The following AP4E1 variants were observed in gnomAD, a reference collection of about 807,000 sequenced individuals.
AP4E1 encodes the protein AP-4 complex subunit epsilon-1.
Under a neutral mutation model 128.2 loss-of-function variants are expected in AP4E1, and 56 were observed. The observed-to-expected ratio is 0.44, with a 90% CI of 0.35 to 0.55. AP4E1 has a LOEUF of 0.55. Ranked by LOEUF, AP4E1 falls within the 20% of genes least tolerant of loss-of-function variation. The pLI is 0.00. For synonymous variants in AP4E1, 484 were observed against 473.1 expected, an observed-to-expected ratio of 1.02 and a Z score of -0.30; for missense variants, 1,324 against 1,307.7, an observed-to-expected ratio of 1.01 and a Z score of -0.19.
At chr15:50,922,688 T>C (rs1345287187) in intron 3 of AP4E1, among the ~76,000 whole-genome samples, 1 of 151,474 alleles carries the variant, frequency 6.6e-6, no homozygotes, top group Non-Finnish European at 1.5e-5. Context: ...AATATGGGGG[T>C]TTAAAATATG....
chr15:50,992,143 C>T (rs1392675818), intron 16 of AP4E1, among the ~76,000 whole-genome samples: 1 of 151,920 alleles, frequency 6.6e-6, no homozygotes, highest in Non-Finnish European at 1.5e-5. Flanking sequence ...AACTTTCCAA[C>T]AAACCATGTA....
intron 14 of AP4E1, 33 bp downstream of exon 14, chr15:50,958,827 T>G (rs747308932): frequency 1.2e-6 from 2 of 1,603,008 alleles, no homozygotes; most frequent in African/African-American, 2.7e-5. Flanking sequence ...TTTTAAAAAT[T>G]GCGTTGTCAT....
intron 16 of AP4E1, among the ~76,000 whole-genome samples, chr15:50,993,144 G>A (rs556657478): frequency 6.6e-6 from 1 of 152,296 alleles, no homozygotes; most frequent in Admixed American, 6.5e-5. Context: ...AACTAAGTCT[G>A]GAGTTCTGCA....
chr15:50,941,124 A>G lies in AP4E1; in HGVS notation c.944-318A>G, dbSNP rs2063980457. Reference sequence around the variant, plus strand: ...CCTTGAGGGCAGGATGTTTTTTTCCATCTGTTTTGTTCACTGCTATATTCA... The same window carrying G: ...CCTTGAGGGCAGGATGTTTTTTTCCGTCTGTTTTGTTCACTGCTATATTCA... On this transcript the variant is annotated intron_variant, in intron 8 of 20. Transcript: ENST00000261842. 3.9e-5 allele frequency among the ~76,000 whole-genome samples: 6 copies of G among 152,188 alleles called. No individual in the cohort carries two copies. The South Asian group carries it at 1.2e-3, about 32-fold the overall frequency.
chr15:50,960,998 T>C (rs1366884819), intron 14 of AP4E1, among the ~76,000 whole-genome samples: 1 of 152,036 alleles, frequency 6.6e-6, no homozygotes, highest in African/African-American at 2.4e-5. Flanking sequence ...TATAAACAAC[T>C]GTACACTAAC....
chr15:50,959,248 A>C (rs1462632175), intron 14 of AP4E1, among the ~76,000 whole-genome samples: 3 of 152,114 alleles, frequency 2.0e-5, no homozygotes, highest in Admixed American at 2.0e-4. Context: ...AAAGATCTTC[A>C]CCAAAGCACA....
chr15:50,981,428 C>T (rs1184660135), intron 15 of AP4E1, among the ~76,000 whole-genome samples: 1 of 152,006 alleles, frequency 6.6e-6, no homozygotes, highest in East Asian at 1.9e-4. Flanking sequence ...TATGCCTGCT[C>T]CACTATTGTA....
At chr15:50,968,958 A>G (rs945154110) in intron 15 of AP4E1, among the ~76,000 whole-genome samples, 1 of 151,608 alleles carries the variant, frequency 6.6e-6, no homozygotes, top group Non-Finnish European at 1.5e-5. Flanking sequence ...TTTTGATAAT[A>G]TATTTATTAA....
chr15:50,944,660 G>A, intron 10 of AP4E1: 1 of 388,518 alleles, frequency 2.6e-6, no homozygotes, highest in East Asian at 4.7e-5. Flanking sequence ...GAGCAACCAA[G>A]ATGAGGATGA....
At chr15:51,001,592 T>C (rs1211314673) in intron 20 of AP4E1, among the ~76,000 whole-genome samples, 2 of 152,190 alleles carry the variant, frequency 1.3e-5, no homozygotes, top group Non-Finnish European at 2.9e-5. Context: ...AGGTACCTTA[T>C]ATAAGTGGAA....
In AP4E1 at chr15:50,929,020, G is replaced by A. The variant is rs375514846; in HGVS notation, c.554G>A (p.Arg185Gln). The change falls in exon 6 of 21, where the codon CGA becomes CAA. Residue 185 changes from arginine to glutamine, a missense_variant. Coordinates refer to ENST00000261842, the MANE Select transcript of AP4E1 (RefSeq NM_007347.5). Reference sequence around the variant, plus strand: ...TTTTTTGTCTTCAGGGAGATTGTACGAAGAAAAGCTGTTCTGGCATTATAC... The same window carrying A: ...TTTTTTGTCTTCAGGGAGATTGTACAAAGAAAAGCTGTTCTGGCATTATAC... ...DKLQHSKEIV[R>Q]RKAVLALYKF... The A allele has an allele frequency of 1.9e-6, 3 of 1,613,700 alleles. No individual in the cohort carries two copies. The highest frequency in any genetic ancestry group is 2.5e-6 in the Non-Finnish European group (3 of 1,179,832).
chr15:51,004,307 T>C lies in AP4E1; in HGVS notation c.*1645T>C, dbSNP rs887562839. 1 of 152,222 alleles carries C rather than the reference T, an allele frequency of 6.6e-6. No individual in the cohort carries two copies. Among genetic ancestry groups the C allele is most frequent in the Non-Finnish European group, 1.5e-5 (1 of 68,036 alleles). The allele number at this position is 152,222 out of a possible 1,614,324, so 9.4% of individuals were successfully genotyped here. ...CCTCGCCCCTTACCTAATTCTGCTGTGACTCTGACAGAGAGGAAGTGCCTT... is the reference window on the plus strand; with the variant it reads ...CCTCGCCCCTTACCTAATTCTGCTGCGACTCTGACAGAGAGGAAGTGCCTT... On this transcript the variant is annotated 3_prime_UTR_variant, in exon 21 of 21. Transcript: ENST00000261842.
intron 10 of AP4E1, among the ~76,000 whole-genome samples, chr15:50,946,708 A>C (rs1382206800): frequency 2.0e-5 from 3 of 152,210 alleles, no homozygotes; most frequent in African/African-American, 7.2e-5. Context: ...ATCCTAAAAC[A>C]CCAATAAATG....
At chr15:50,986,030 G>C (rs546243782) in intron 16 of AP4E1, among the ~76,000 whole-genome samples, 7 of 152,156 alleles carry the variant, frequency 4.6e-5, no homozygotes, top group South Asian at 4.1e-4. Flanking sequence ...CCTTCACATT[G>C]CTTGTAAGTT....
chr15:50,993,544 C>G lies in AP4E1; in HGVS notation c.2265C>G (p.Thr755=), dbSNP rs1236697552. 2 of 1,613,814 alleles carry G rather than the reference C, an allele frequency of 1.2e-6. No individual in the cohort carries two copies. Among genetic ancestry groups the G allele is most frequent in the East Asian group, 2.2e-5 (1 of 44,842 alleles). The change falls in exon 17 of 21, where the codon ACC becomes ACG. Residue 755 remains threonine (T), a synonymous_variant. Coordinates refer to ENST00000261842, the MANE Select transcript of AP4E1 (RefSeq NM_007347.5). Reference sequence around the variant, plus strand: ...AAAAGGATCAATCTCAAGTTCTTACCCAATCTAAAGAGGAGAAAGAAAAGC... The same window carrying G: ...AAAAGGATCAATCTCAAGTTCTTACGCAATCTAAAGAGGAGAAAGAAAAGC... ...ITKKDQSQVL[T]QSKEEKEKQL...
In AP4E1 at chr15:50,984,144, G is replaced by A. The variant is rs1402508677; in HGVS notation, c.2089G>A (p.Glu697Lys). ...SGNSAETGLK[E>K]TNSLKLEGIK... is the part of the protein sequence containing the mutation. ...GAATAGTGCTGAGACAGGACTGAAA[G>A]AGTAAGTTCATTTCTTATTAAAATT... The change falls in exon 16 of 21, where the codon GAG becomes AAG. Residue 697 changes from glutamate to lysine, a missense_variant and splice_region_variant. By Grantham distance (56) the Glu-to-Lys change is moderately conservative. Coordinates refer to ENST00000261842, the MANE Select transcript of AP4E1 (RefSeq NM_007347.5). 6.2e-7 allele frequency: 1 copy of A among 1,612,874 alleles called. No homozygotes were observed. The highest frequency in any genetic ancestry group is 8.5e-7 in the Non-Finnish European group (1 of 1,179,248).
At chr15:50,981,256 C>G (rs1030490303) in intron 15 of AP4E1, among the ~76,000 whole-genome samples, 5 of 152,250 alleles carry the variant, frequency 3.3e-5, no homozygotes, top group Admixed American at 1.3e-4. Flanking sequence ...GTGTCCAACT[C>G]CTGCCCCAGT....
intron 15 of AP4E1, among the ~76,000 whole-genome samples, chr15:50,978,790 C>T (rs550908155): frequency 6.6e-6 from 1 of 152,268 alleles, no homozygotes. Context: ...TCCTTCTGTT[C>T]CACATATGTG....
intron 15 of AP4E1, among the ~76,000 whole-genome samples, chr15:50,970,559 T>C (rs2064464578): frequency 6.6e-6 from 1 of 152,240 alleles, no homozygotes; most frequent in African/African-American, 2.4e-5. Flanking sequence ...TGGGTACATA[T>C]ATATTTATAA....
Sources: allele counts gnomAD v4.1 joint callset (sites outside exome capture counted in the v4.1 genomes callset), GRCh38; gene constraint gnomAD v4.1.1; transcripts MANE v1.5; gene names NCBI Gene and HGNC (gene_info 2026-07-23, HGNC 2026-07-21).